FOLH1: variants seen among roughly 807,000 people sequenced by gnomAD.
The protein encoded by FOLH1 is glutamate carboxypeptidase 2.
Under a neutral mutation model 93.9 loss-of-function variants are expected in FOLH1, and 54 were observed. The ratio of observed to expected loss-of-function variants is 0.57; its 90% CI spans 0.46 to 0.72. The LOEUF is 0.72. Among genes scored for constraint, FOLH1 ranks in the 30% least tolerant of loss-of-function variants. The pLI is 0.00. For synonymous variants in FOLH1, 249 were observed against 303.6 expected (o/e 0.82, Z 1.87); for missense variants, 571 against 892.5 (o/e 0.64, Z 4.59).
chr11:49,160,266 AAAAAATC>A (rs765492541), intron 13 of FOLH1, among the ~76,000 whole-genome samples: 27 of 151,864 alleles, frequency 1.8e-4, no homozygotes, highest in Non-Finnish European at 3.5e-4. Context: ...AATTTTTTTC[AAAAAATC>A]AGCTCCTGGA....
rs577083865 is a variant in FOLH1, at chr11:49,207,761, T to C, written c.118+531A>G. On this transcript the variant is annotated intron_variant, in intron 1 of 18. Coordinates refer to ENST00000256999, the MANE Select transcript of FOLH1 (RefSeq NM_004476.3). Reference sequence around the variant, plus strand: ...GGAATTTAATAAAAGAGTCTGAGCTTGCCTGTGTGGTTCTGCTTTTCTTAG... The same window carrying C: ...GGAATTTAATAAAAGAGTCTGAGCTCGCCTGTGTGGTTCTGCTTTTCTTAG... 3.9e-4 allele frequency: 157 copies of C among 404,864 alleles called. 1 individual carries two copies. The Middle Eastern group carries it at 6.4e-3, about 17-fold the overall frequency. 25.1% of individuals were successfully genotyped at this position (404,864 alleles called of 1,614,324 possible).
intron 4 of FOLH1, among the ~76,000 whole-genome samples, chr11:49,190,818 T>TTTTTG (rs1258571184): frequency 1.3e-5 from 2 of 152,156 alleles, no homozygotes; most frequent in Non-Finnish European, 2.9e-5. Flanking sequence ...TGATCGTGAA[T>TTTTTG]TTTTGTTTTG....
At chr11:49,206,848 C>G in intron 1 of FOLH1, 1 of 1,502,742 alleles carries the variant, frequency 6.7e-7, no homozygotes, top group Non-Finnish European at 9.0e-7. Context: ...ATCCTGCAGT[C>G]ATTAGACCTT....
intron 12 of FOLH1, among the ~76,000 whole-genome samples, chr11:49,165,315 T>C (rs531793448): frequency 5.9e-5 from 9 of 152,324 alleles, no homozygotes; most frequent in African/African-American, 2.2e-4. Flanking sequence ...CACTCTCTTG[T>C]TTGCTGCCAT....
chr11:49,158,056 A>G lies in FOLH1; in HGVS notation c.1441-13T>C, dbSNP rs1315614762. ...CAGGGCTTTTCAGCTACACAAATTA[A>G]AAGAAAAAAAGAGAATACTTACAAA... On this transcript the variant is annotated splice_polypyrimidine_tract_variant and intron_variant, in intron 13 of 18. Coordinates refer to ENST00000256999, the MANE Select transcript of FOLH1 (RefSeq NM_004476.3). 3.3e-6 allele frequency: 5 copies of G among 1,537,146 alleles called. No homozygotes were observed. Among genetic ancestry groups the G allele is most frequent in the East Asian group, 4.6e-5 (2 of 43,736 alleles).
chr11:49,150,799 T>C (rs559662955), intron 17 of FOLH1, among the ~76,000 whole-genome samples: 22 of 152,220 alleles, frequency 1.4e-4, no homozygotes, highest in Non-Finnish European at 2.5e-4. Context: ...CTGAATTTAA[T>C]ATACCAATTA....
At chr11:49,148,051 AAGTT>A (rs1210819393) in intron 18 of FOLH1, among the ~76,000 whole-genome samples, 2 of 152,020 alleles carry the variant, frequency 1.3e-5, no homozygotes, top group African/African-American at 2.4e-5. Flanking sequence ...CCTAGAAAGA[AAGTT>A]AGGGCCATTT....
At chr11:49,157,441 A>AC (rs879506986) in intron 14 of FOLH1, among the ~76,000 whole-genome samples, 1 of 152,020 alleles carries the variant, frequency 6.6e-6, no homozygotes, top group Non-Finnish European at 1.5e-5. Flanking sequence ...CATTTCATGC[A>AC]CCCCAAAAAT....
chr11:49,188,428 G>T (rs1375698275), intron 4 of FOLH1, among the ~76,000 whole-genome samples: 3 of 150,640 alleles, frequency 2.0e-5, no homozygotes, highest in Non-Finnish European at 2.9e-5. Flanking sequence ...TATGAGAATT[G>T]CTTGAACACG....
intron 7 of FOLH1, among the ~76,000 whole-genome samples, chr11:49,177,714 G>T (rs1307156505): frequency 6.7e-6 from 1 of 149,412 alleles, no homozygotes; most frequent in Non-Finnish European, 1.5e-5. Context: ...TTGGGAGGGC[G>T]AGGCAAGCGG....
rs1855744085 is a variant in FOLH1 at position 49,145,512 on chromosome 11, C to A, written c.*1244G>T. Among the ~76,000 whole-genome samples the A allele has an allele frequency of 6.6e-6, 1 of 152,148 alleles. No individual in the cohort carries two copies. The highest frequency in any genetic ancestry group is 2.1e-4 in the South Asian group (1 of 4,828). Reference sequence around the variant, plus strand: ...TTGTAGTAGAGCCCCTCTGGCTTGACATTTCTTCATAAACAGCTTTACACA... The same window carrying A: ...TTGTAGTAGAGCCCCTCTGGCTTGAAATTTCTTCATAAACAGCTTTACACA... On this transcript the variant is annotated 3_prime_UTR_variant, in exon 19 of 19. Coordinates refer to ENST00000256999, the MANE Select transcript of FOLH1 (RefSeq NM_004476.3).
At chr11:49,162,750 T>C (rs900315616) in intron 13 of FOLH1, 1 of 152,474 alleles carries the variant, frequency 6.6e-6, no homozygotes, top group African/African-American at 2.4e-5. Context: ...ATCTTTGAGG[T>C]TGGTGACCTT....
At chr11:49,197,899 A>G (rs1860017800) in intron 3 of FOLH1, among the ~76,000 whole-genome samples, 1 of 152,178 alleles carries the variant, frequency 6.6e-6, no homozygotes, top group African/African-American at 2.4e-5. Context: ...TGGAAAGAGG[A>G]AAATAGAGAA....
chr11:49,185,199 A>T (rs1861225088), intron 6 of FOLH1, among the ~76,000 whole-genome samples: 1 of 152,152 alleles, frequency 6.6e-6, no homozygotes, highest in South Asian at 2.1e-4. Context: ...AAATCTGTAA[A>T]TCTGGGGGGA....
At chr11:49,178,542 C>T (rs1860365085) in intron 7 of FOLH1, among the ~76,000 whole-genome samples, 1 of 151,978 alleles carries the variant, frequency 6.6e-6, no homozygotes, top group Non-Finnish European at 1.5e-5. Context: ...ATATAAGAAT[C>T]TAATATACCA....
Position 49,206,092 on chromosome 11 carries a change from C to G in FOLH1, c.199G>C (p.Ala67Pro). The change falls in exon 2 of 19, where the codon GCT becomes CCT. Residue 67 changes from alanine to proline, a missense_variant. This residue lies in a region of FOLH1 where 500 missense variants were observed against 822.9 expected (regional missense o/e 0.61). Transcript: ENST00000256999. Reference sequence around the variant, plus strand: ...TATAAGAACTTCTTGATGTTCTCAGCTTTCAATTCATCCAAAAATGCTTTC... The same window carrying G: ...TATAAGAACTTCTTGATGTTCTCAGGTTTCAATTCATCCAAAAATGCTTTC... ...NMKAFLDELK[A>P]ENIKKFLYNF... 1 of 1,612,424 alleles carries G rather than the reference C, an allele frequency of 6.2e-7. No homozygotes were observed. Among genetic ancestry groups the G allele is most frequent in the Non-Finnish European group, 8.5e-7 (1 of 1,179,262 alleles).
intron 13 of FOLH1, 94 bp from the exon 14 acceptor site, chr11:49,158,137 A>G (rs1857227550): frequency 8.3e-6 from 10 of 1,201,264 alleles, no homozygotes; most frequent in Non-Finnish European, 1.1e-5. Context: ...CTAAGCCACA[A>G]TTCAGCAAAA....
Position 49,208,496 on chromosome 11 carries a change from GTC to G in FOLH1, c.-89_-88del. On this transcript the variant is annotated 5_prime_UTR_variant, in exon 1 of 19. Transcript: ENST00000256999. ...CCTCCAACCACCACGGCGGGGTAAA[GTC>G]TCTCTCAATCTCACTAATGCCTCGC... The G allele has an allele frequency of 1.1e-6, 1 of 906,648 alleles. No homozygotes were observed. Among genetic ancestry groups the G allele is most frequent in the East Asian group, 2.6e-5 (1 of 37,740 alleles). The allele number at this position is 906,648 out of a possible 1,614,324, so 56.2% of individuals were successfully genotyped here. A position where few individuals can be genotyped will look rare whatever the true frequency, so the allele number is the denominator to read the frequency against.
chr11:49,198,778 T>C (rs1368402447), intron 3 of FOLH1, among the ~76,000 whole-genome samples: 1 of 142,174 alleles, frequency 7.0e-6, no homozygotes, highest in Non-Finnish European at 1.5e-5. Flanking sequence ...TTTGTTTTTC[T>C]TTTTTTTTTT....
Sources: gnomAD v4.1 joint callset for allele counts (sites outside exome capture counted in the v4.1 genomes callset) on GRCh38, gnomAD v4.1.1 for gene constraint, gnomAD v4.1.1 regional missense constraint, MANE v1.5 for transcripts, NCBI Gene and HGNC (gene_info 2026-07-23, HGNC 2026-07-21) for gene names.